The following NCKAP5 variants were observed in gnomAD, a reference collection of about 807,000 sequenced individuals.
The protein encoded by NCKAP5 is NCK associated protein 5, also known as nck-associated protein 5.
In NCKAP5, 92 loss-of-function variants were observed where a neutral mutation model predicts 167.0. The ratio of observed to expected loss-of-function variants is 0.55; its 90% CI spans 0.47 to 0.66. The LOEUF is 0.66. NCKAP5 is among the 30% of genes least tolerant of loss of function. The pLI, the probability that NCKAP5 is intolerant of heterozygous loss-of-function variation, is 0.00. For synonymous variants in NCKAP5, 891 were observed against 877.4 expected, an observed-to-expected ratio of 1.02 and a Z score of -0.27; for missense variants, 2,378 against 2,315.0, an observed-to-expected ratio of 1.03 and a Z score of -0.56.
chr2:133,057,200 C>T (rs1380807937), intron 6 of NCKAP5, among the ~76,000 whole-genome samples: 1 of 152,114 alleles, frequency 6.6e-6, no homozygotes. Flanking sequence ...TCTCTCTCTC[C>T]TCAGGCCTCC....
At chr2:132,927,572 T>C (rs1377233571) in intron 8 of NCKAP5, among the ~76,000 whole-genome samples, 3 of 152,156 alleles carry the variant, frequency 2.0e-5, no homozygotes, top group Non-Finnish European at 4.4e-5. Flanking sequence ...CTCATAGAGA[T>C]CTTTCATCTC....
At chr2:133,538,461 A>G (rs1163606894) in intron 2 of NCKAP5, among the ~76,000 whole-genome samples, 9 of 152,166 alleles carry the variant, frequency 5.9e-5, no homozygotes, top group African/African-American at 1.9e-4. Context: ...CAAAGTAAAA[A>G]TCTTCCATAA....
chr2:133,073,056 C>T (rs901674392), intron 6 of NCKAP5, among the ~76,000 whole-genome samples: 10 of 152,116 alleles, frequency 6.6e-5, no homozygotes, highest in African/African-American at 1.7e-4. Flanking sequence ...CAAAGAATGA[C>T]TCATAAAGCA....
chr2:132,724,138 T>C (rs1296104407), intron 19 of NCKAP5, among the ~76,000 whole-genome samples: 2 of 152,134 alleles, frequency 1.3e-5, no homozygotes, highest in Non-Finnish European at 2.9e-5. Context: ...GCTTCAGCTC[T>C]CTCTGCTCAA....
chr2:133,547,221 G>A (rs1388993799), intron 2 of NCKAP5, among the ~76,000 whole-genome samples: 1 of 152,162 alleles, frequency 6.6e-6, no homozygotes, highest in Non-Finnish European at 1.5e-5. Flanking sequence ...TGGCTCGGAG[G>A]GTCCTACGCC....
intron 3 of NCKAP5, among the ~76,000 whole-genome samples, chr2:133,488,303 C>A (rs1001868302): frequency 2.0e-5 from 3 of 152,042 alleles, no homozygotes; most frequent in Non-Finnish European, 4.4e-5. Flanking sequence ...ACAAAACAAC[C>A]AAATCAGAAG....
intron 5 of NCKAP5, among the ~76,000 whole-genome samples, chr2:133,169,879 C>T (rs1198399924): frequency 2.6e-5 from 4 of 152,200 alleles, no homozygotes; most frequent in Middle Eastern, 3.4e-3. Flanking sequence ...AAAGGGGTTA[C>T]GTAAGCATAA....
intron 5 of NCKAP5, among the ~76,000 whole-genome samples, chr2:133,203,036 C>A (rs1345508715): frequency 6.6e-6 from 1 of 152,190 alleles, no homozygotes; most frequent in Non-Finnish European, 1.5e-5. Flanking sequence ...CATCCCATTT[C>A]TGGGTATATA....
intron 5 of NCKAP5, among the ~76,000 whole-genome samples, chr2:133,149,424 C>T (rs142220886): frequency 2.6e-5 from 4 of 152,050 alleles, no homozygotes; most frequent in East Asian, 1.9e-4. Context: ...CTTCCCTAAA[C>T]GAAGTACCAC....
intron 3 of NCKAP5, among the ~76,000 whole-genome samples, chr2:133,428,680 C>G (rs1689963463): frequency 6.6e-6 from 1 of 152,018 alleles, no homozygotes; most frequent in Non-Finnish European, 1.5e-5. Flanking sequence ...CTAAAACACC[C>G]AAAATATTTC....
chr2:133,320,454 T>A (rs561019254), intron 3 of NCKAP5, among the ~76,000 whole-genome samples: 4 of 152,116 alleles, frequency 2.6e-5, no homozygotes, highest in Non-Finnish European at 4.4e-5. Context: ...CTTGGCTGGG[T>A]GCGGTGGCTC....
At chr2:133,204,842 G>A (rs138534938) in intron 5 of NCKAP5, among the ~76,000 whole-genome samples, 27 of 152,312 alleles carry the variant, frequency 1.8e-4, no homozygotes, top group Non-Finnish European at 4.0e-4. Flanking sequence ...GACTTACAAT[G>A]TGCATTTCTC....
At chr2:133,641,006 T>A in the NCKAP5 span, among the ~76,000 whole-genome samples, 2 of 152,234 alleles carry the variant, frequency 1.3e-5, no homozygotes, top group Admixed American at 1.3e-4. Flanking sequence ...TGTACTCAAT[T>A]TCTCTCTTTA....
intron 3 of NCKAP5, among the ~76,000 whole-genome samples, chr2:133,400,288 C>T (rs529277966): frequency 6.6e-6 from 1 of 151,882 alleles, no homozygotes; most frequent in Non-Finnish European, 1.5e-5. Flanking sequence ...GTACCCGCTG[C>T]CCCCCTAAAA....
At chr2:133,524,001 G>A (rs1684677646) in intron 2 of NCKAP5, among the ~76,000 whole-genome samples, 1 of 152,152 alleles carries the variant, frequency 6.6e-6, no homozygotes, top group African/African-American at 2.4e-5. Flanking sequence ...AGTAAAAACA[G>A]CCAGGGTTGG....
intron 6 of NCKAP5, among the ~76,000 whole-genome samples, chr2:132,997,385 A>G (rs1048671339): frequency 2.0e-5 from 3 of 152,232 alleles, no homozygotes; most frequent in Non-Finnish European, 4.4e-5. Context: ...CAGCTGAGAA[A>G]GCAGAAGCTG....
chr2:132,691,617 T>A (rs1332248647), intron 19 of NCKAP5, among the ~76,000 whole-genome samples: 1 of 152,196 alleles, frequency 6.6e-6, no homozygotes, highest in African/African-American at 2.4e-5. Context: ...ACCGCCATTT[T>A]AAAATGCCCC....
At chr2:133,396,116 G>A (rs1687716616) in intron 3 of NCKAP5, among the ~76,000 whole-genome samples, 1 of 152,042 alleles carries the variant, frequency 6.6e-6, no homozygotes, top group African/African-American at 2.4e-5. Context: ...TTGGCAAGCT[G>A]AGGAATGCCA....
chr2:133,661,890 C>T, the NCKAP5 span, among the ~76,000 whole-genome samples: 1 of 151,942 alleles, frequency 6.6e-6, no homozygotes, highest in African/African-American at 2.4e-5. Flanking sequence ...TGGGAGGATA[C>T]AAAGACATAG....
Sources: gnomAD v4.1 joint callset for allele counts (sites outside exome capture counted in the v4.1 genomes callset) on GRCh38, gnomAD v4.1.1 for gene constraint, MANE v1.5 for transcripts, NCBI Gene and HGNC (gene_info 2026-07-23, HGNC 2026-07-21) for gene names.